CSMD2: variants seen among roughly 807,000 people sequenced by gnomAD.
CSMD2 encodes the protein CUB and Sushi multiple domains 2, also known as CUB and sushi domain-containing protein 2.
Under a neutral mutation model 398.5 loss-of-function variants are expected in CSMD2, and 130 were observed. The observed-to-expected ratio is 0.33, with a 90% CI of 0.28 to 0.38. The LOEUF is 0.38. CSMD2 is among the 10% of genes least tolerant of loss of function. The pLI, the probability that CSMD2 is intolerant of heterozygous loss-of-function variation, is 1.00. For missense variants in CSMD2, 3,829 were observed against 4,764.9 expected, an observed-to-expected ratio of 0.80 and a Z score of 5.78; for synonymous variants, 1,828 against 1,908.5, an observed-to-expected ratio of 0.96 and a Z score of 1.10.
chr1:33,984,135 C>T (rs1391062435), intron 3 of CSMD2, among the ~76,000 whole-genome samples: 1 of 149,936 alleles, frequency 6.7e-6, no homozygotes, highest in African/African-American at 2.5e-5. Context: ...GCCTGGGTGA[C>T]AGAGCGAGAC....
chr1:33,947,559 T>A (rs1242324184), intron 3 of CSMD2, among the ~76,000 whole-genome samples: 1 of 152,154 alleles, frequency 6.6e-6, no homozygotes, highest in Non-Finnish European at 1.5e-5. Context: ...AGAAGCACCA[T>A]GTTCCCAAGG....
intron 2 of CSMD2, among the ~76,000 whole-genome samples, chr1:34,051,060 G>A (rs1297535467): frequency 6.6e-6 from 1 of 152,216 alleles, no homozygotes. Context: ...TAGCCAGGGT[G>A]ATTGATTCTC....
chr1:33,537,128 G>T lies in CSMD2; in HGVS notation c.9806-33C>A, dbSNP rs565799274. The T allele has an allele frequency of 8.7e-6, 14 of 1,610,312 alleles. No homozygotes were observed. In the South Asian group the frequency reaches 1.1e-4, roughly 13 times the overall value. Reference sequence around the variant, plus strand: ...GCCAAAACAAAGACACAGATCACATGGTCATGGAAGCCTTCACGGCCTCAT... The same window carrying T: ...GCCAAAACAAAGACACAGATCACATTGTCATGGAAGCCTTCACGGCCTCAT... On this transcript the variant is annotated intron_variant, in intron 61 of 70. Coordinates refer to ENST00000373381, the MANE Select transcript of CSMD2 (RefSeq NM_001281956.2). This position sits in a 1 kb window ranked among gnomAD's most constrained non-coding sequence, Gnocchi z 4.6.
intron 19 of CSMD2, among the ~76,000 whole-genome samples, chr1:33,723,823 G>A (rs1646437091): frequency 6.6e-6 from 1 of 152,184 alleles, no homozygotes; most frequent in Non-Finnish European, 1.5e-5. Context: ...GATAGTAGGT[G>A]CCCATCTGTT....
chr1:34,081,905 G>C (rs1189038590), intron 2 of CSMD2, among the ~76,000 whole-genome samples: 1 of 151,548 alleles, frequency 6.6e-6, no homozygotes, highest in Non-Finnish European at 1.5e-5. Flanking sequence ...CGCCCAGTCT[G>C]GGAAGTGAGG....
intron 2 of CSMD2, among the ~76,000 whole-genome samples, chr1:34,074,725 G>GAC (rs60737142): frequency 0.044 from 6,720 of 151,194 alleles, 282 homozygotes; most frequent in African/African-American, 0.11. Flanking sequence ...AAATGAAGAA[G>GAC]ACACACACAC....
At chr1:33,778,122 C>G (rs553971116) in intron 12 of CSMD2, among the ~76,000 whole-genome samples, 31 of 152,180 alleles carry the variant, frequency 2.0e-4, no homozygotes, top group Non-Finnish European at 3.8e-4. Context: ...TTACCTCCTC[C>G]AAGACATTTT....
rs564322456 is a variant in CSMD2 at position 33,643,420 on chromosome 1, A to G, written c.4774+3228T>C. Among the ~76,000 whole-genome samples, 4 of 152,344 alleles carry G rather than the reference A, an allele frequency of 2.6e-5. No homozygotes were observed. In the South Asian group the frequency reaches 8.3e-4, roughly 32 times the overall value. On this transcript the variant is annotated intron_variant, in intron 29 of 70. Coordinates refer to ENST00000373381, the MANE Select transcript of CSMD2 (RefSeq NM_001281956.2). ...CTGGGTTAGCCCCATTCTCCCTTCC[A>G]AACAAAGGCACAACAAATGCAATAC...
At chr1:33,742,105 C>A (rs1409556139) in intron 14 of CSMD2, among the ~76,000 whole-genome samples, 1 of 152,222 alleles carries the variant, frequency 6.6e-6, no homozygotes, top group Non-Finnish European at 1.5e-5. Context: ...CTAGGATCTC[C>A]CCCTGCTTCT....
At chr1:34,033,603 G>A (rs1306220638) in intron 2 of CSMD2, among the ~76,000 whole-genome samples, 1 of 152,208 alleles carries the variant, frequency 6.6e-6, no homozygotes, top group African/African-American at 2.4e-5. Flanking sequence ...GAGGTGGCCA[G>A]TCTCCTACAC....
chr1:33,531,127 T>A (rs1226300037), intron 64 of CSMD2, among the ~76,000 whole-genome samples: 1 of 152,172 alleles, frequency 6.6e-6, no homozygotes, highest in Non-Finnish European at 1.5e-5. Flanking sequence ...AAATGGCAAG[T>A]ATATGAAGTT....
chr1:33,565,953 A>ATAATT (rs768305017), intron 53 of CSMD2, among the ~76,000 whole-genome samples: 1 of 152,134 alleles, frequency 6.6e-6, no homozygotes, highest in Non-Finnish European at 1.5e-5. Flanking sequence ...TTCTCAAATG[A>ATAATT]TAATTTAATA....
At chr1:33,928,270 C>T (rs1410571341) in intron 4 of CSMD2, among the ~76,000 whole-genome samples, 4 of 152,220 alleles carry the variant, frequency 2.6e-5, no homozygotes, top group African/African-American at 7.2e-5. Flanking sequence ...CTCTCTGGGC[C>T]TCAGTTTCCT....
intron 7 of CSMD2, among the ~76,000 whole-genome samples, chr1:33,823,202 C>A (rs1473026130): frequency 2.6e-5 from 4 of 152,174 alleles, no homozygotes; most frequent in Admixed American, 1.3e-4. Context: ...GAAACCCAGG[C>A]ACCATCCAGA....
chr1:33,992,280 T>C (rs3131530), intron 3 of CSMD2, among the ~76,000 whole-genome samples: 3,812 of 152,222 alleles, frequency 0.025, 156 homozygotes, highest in African/African-American at 0.085. Flanking sequence ...ACAGTACGGC[T>C]CACTGAAGCC....
intron 1 of CSMD2, among the ~76,000 whole-genome samples, chr1:34,129,765 C>G (rs1663138721): frequency 6.6e-6 from 1 of 152,254 alleles, no homozygotes; most frequent in African/African-American, 2.4e-5. Context: ...GCCGCTCTGA[C>G]TGGCTCAGTG....
chr1:34,126,787 G>A (rs368350403), intron 1 of CSMD2, among the ~76,000 whole-genome samples: 1 of 29,538 alleles, frequency 3.4e-5, no homozygotes, highest in East Asian at 2.1e-3. Context: ...AGAGACTCGG[G>A]GAGAGAGAGA....
intron 25 of CSMD2, among the ~76,000 whole-genome samples, chr1:33,687,574 A>G (rs1370300816): frequency 6.6e-6 from 1 of 152,194 alleles, no homozygotes; most frequent in Non-Finnish European, 1.5e-5. Flanking sequence ...AAAAAAAGCA[A>G]TATAGAAGCA....
chr1:33,872,957 GTGACGCC>G, intron 5 of CSMD2, among the ~76,000 whole-genome samples: 1 of 152,312 alleles, frequency 6.6e-6, no homozygotes, highest in East Asian at 1.9e-4. Flanking sequence ...TTACGGACCA[GTGACGCC>G]TTTGTTCCTC....
Sources: gnomAD v4.1 joint callset for allele counts (sites outside exome capture counted in the v4.1 genomes callset) on GRCh38, gnomAD v4.1.1 for gene constraint, Gnocchi (gnomAD v3.1) non-coding constraint, MANE v1.5 for transcripts, NCBI Gene and HGNC (gene_info 2026-07-23, HGNC 2026-07-21) for gene names.